SIK3: variants seen among roughly 807,000 people sequenced by gnomAD.
The protein encoded by SIK3 is serine/threonine-protein kinase SIK3.
Under a neutral mutation model 144.2 loss-of-function variants are expected in SIK3, and 28 were observed. That is an observed-to-expected ratio of 0.19 (90% CI 0.14 to 0.27). SIK3 has a LOEUF of 0.27. Ranked by LOEUF, SIK3 falls within the 10% of genes least tolerant of loss-of-function variation. SIK3 has a pLI of 1.00. For missense variants in SIK3, 1,319 were observed against 1,776.0 expected, an observed-to-expected ratio of 0.74 and a Z score of 4.62; for synonymous variants, 686 against 676.3, an observed-to-expected ratio of 1.01 and a Z score of -0.22.
chr11:116,858,058 G>A lies in SIK3; in HGVS notation c.3407C>T (p.Ala1136Val). ...CTCCATGCTCTCTGAATGCATCAGTGCCGGCTGGTGAGCATACCCGTGGGG... is the reference window on the plus strand; with the variant it reads ...CTCCATGCTCTCTGAATGCATCAGTACCGGCTGGTGAGCATACCCGTGGGG... ...TPPHGYAHQP[A>V]LMHSESMEED... The change falls in exon 21 of 25, where the codon GCA (alanine) becomes GTA (valine). Residue 1136 changes from alanine to valine, a missense_variant. This residue lies in a region of SIK3 where 646 missense variants were observed against 763.7 expected (regional missense o/e 0.85). Coordinates refer to ENST00000445177, the MANE Select transcript of SIK3 (RefSeq NM_001366686.3). The surrounding 1 kb of genome is among the most constrained non-coding windows in gnomAD (Gnocchi z 5.4). The A allele has an allele frequency of 6.2e-7, 1 of 1,613,784 alleles. No individual in the cohort carries two copies. The highest frequency in any genetic ancestry group is 8.5e-7 in the Non-Finnish European group (1 of 1,179,800).
Position 116,933,179 on chromosome 11 carries a change from C to T in SIK3, c.455-5799G>A, listed in dbSNP as rs1314076844. On this transcript the variant is annotated intron_variant, in intron 3 of 24. Transcript: ENST00000445177. ...CTTTTTTGAGGCAGAGTCTCACTGT[C>T]ACCCAGGATGGAGTGCAGTGGTGCA... 3.4e-5 allele frequency among the ~76,000 whole-genome samples: 5 copies of T among 147,642 alleles called. No individual in the cohort carries two copies. The East Asian group carries it at 7.9e-4, about 23-fold the overall frequency.
Position 116,846,378 on chromosome 11 carries a change from C to T in SIK3, c.*13+5G>A. ...TGGTTTGGCTCTGGCCAGGGTGACA[C>T]TCACTCTCTGTTTCTTGTTACACGC... is the stretch of plus-strand genomic sequence containing the variant. On this transcript the variant is annotated splice_donor_5th_base_variant and intron_variant, in intron 24 of 24. Transcript: ENST00000445177. The surrounding 1 kb of genome is among the most constrained non-coding windows in gnomAD (Gnocchi z 4.1). 1 of 1,613,144 alleles carries T rather than the reference C, an allele frequency of 6.2e-7. No homozygotes were observed. The highest frequency in any genetic ancestry group is 8.5e-7 in the Non-Finnish European group (1 of 1,179,630).
Position 116,846,582 on chromosome 11 carries a change from T to C in SIK3, c.3953-29A>G, listed in dbSNP as rs1941979521. The C allele has an allele frequency of 6.2e-7, 1 of 1,613,326 alleles. No homozygotes were observed. The highest frequency in any genetic ancestry group is 1.3e-5 in the African/African-American group (1 of 74,854). ...CAAGACCAAAAAGAACGTATGAGGT[T>C]GGCAGGGAACTGGGGGACTAGGAGA... On this transcript the variant is annotated intron_variant, in intron 23 of 24. Transcript: ENST00000445177. The surrounding 1 kb of genome is among the most constrained non-coding windows in gnomAD (Gnocchi z 4.1).
At chr11:116,931,500 G>T (rs1218663480) in intron 3 of SIK3, among the ~76,000 whole-genome samples, 1 of 152,152 alleles carries the variant, frequency 6.6e-6, no homozygotes. Flanking sequence ...TGTCTGCTAA[G>T]TCTACAACTC....
At position 116,973,270 on chromosome 11, in the gene SIK3, A is replaced by G. The variant is rs116597674; in HGVS notation, c.274-16206T>C. 7.0e-3 allele frequency among the ~76,000 whole-genome samples: 1,066 copies of G among 152,298 alleles called. 12 individuals are homozygous for G. Among genetic ancestry groups the G allele is most frequent in the African/African-American group, 0.024 (991 of 41,578 alleles). On this transcript the variant is annotated intron_variant, in intron 1 of 24. Transcript: ENST00000445177. ...CATAGTAATAGAAAACTAACAGCTC[A>G]TGGTTCTTTATAAGGTAGACAACTA...
chr11:117,062,394 A>C (rs2135960902), intron 1 of SIK3, among the ~76,000 whole-genome samples: 1 of 152,278 alleles, frequency 6.6e-6, no homozygotes, highest in South Asian at 2.1e-4. Context: ...TCCTCCCCAA[A>C]TGGGCCACAA....
intron 4 of SIK3, among the ~76,000 whole-genome samples, chr11:116,899,562 C>T (rs1182425658): frequency 3.9e-5 from 6 of 152,286 alleles, no homozygotes; most frequent in African/African-American, 1.4e-4. Context: ...AACTTATTTA[C>T]AAACTGAAGC....
chr11:117,070,683 T>C (rs1358437433), intron 1 of SIK3, among the ~76,000 whole-genome samples: 2 of 151,636 alleles, frequency 1.3e-5, no homozygotes, highest in African/African-American at 4.8e-5. Flanking sequence ...TGACCTCAGG[T>C]GATCCACCCG....
intron 1 of SIK3, among the ~76,000 whole-genome samples, chr11:116,990,490 C>T (rs1368807351): frequency 6.6e-6 from 1 of 152,120 alleles, no homozygotes; most frequent in Admixed American, 6.5e-5. Context: ...AATACGTGGT[C>T]TAATACCTTA....
chr11:117,003,732 C>T (rs1307238108), intron 1 of SIK3, among the ~76,000 whole-genome samples: 2 of 152,084 alleles, frequency 1.3e-5, no homozygotes, highest in Non-Finnish European at 2.9e-5. Context: ...GCTGGTGTAG[C>T]TATTCTACTT....
Position 116,977,884 on chromosome 11 carries a change from T to C in SIK3, c.274-20820A>G, listed in dbSNP as rs145343447. The stretch of plus-strand genomic sequence containing the variant: ...AAAAAAATGAAAAATATATTTACTG[T>C]AAAACTTTATGTGCAAGAGCATGTA... On this transcript the variant is annotated intron_variant, in intron 1 of 24. Coordinates refer to ENST00000445177, the MANE Select transcript of SIK3 (RefSeq NM_001366686.3). Among the ~76,000 whole-genome samples the C allele has an allele frequency of 6.6e-5, 10 of 152,300 alleles. No homozygotes were observed. In the East Asian group the frequency reaches 1.3e-3, roughly 21 times the overall value.
At chr11:116,909,110 AC>A (rs1271937191) in intron 4 of SIK3, among the ~76,000 whole-genome samples, 1 of 152,222 alleles carries the variant, frequency 6.6e-6, no homozygotes, top group East Asian at 1.9e-4. Flanking sequence ...TCGCAGCTAT[AC>A]AAACAACATG....
rs748487877 is a variant in SIK3 at position 116,849,103 on chromosome 11, A to T, written c.3819+17T>A. ...CTGGGAGGATCCACCTCTGTGCAGC[A>T]GGTGGGACCAACATACATAAGCATC... is the stretch of plus-strand genomic sequence containing the variant. On this transcript the variant is annotated intron_variant, in intron 22 of 24. Transcript: ENST00000445177. This position sits in a 1 kb window ranked among gnomAD's most constrained non-coding sequence, Gnocchi z 4.2. 1.9e-6 allele frequency: 3 copies of T among 1,568,504 alleles called. No homozygotes were observed. Among genetic ancestry groups the T allele is most frequent in the Admixed American group, 3.5e-5 (2 of 57,490 alleles).
At chr11:116,960,112 A>C (rs1949286221) in intron 1 of SIK3, among the ~76,000 whole-genome samples, 1 of 152,226 alleles carries the variant, frequency 6.6e-6, no homozygotes, top group Non-Finnish European at 1.5e-5. Flanking sequence ...TCTTTTCAGG[A>C]AAAATTGCAT....
chr11:116,956,795 G>A (rs538647391), intron 2 of SIK3, among the ~76,000 whole-genome samples, 153 bp downstream of exon 2: 1 of 152,296 alleles, frequency 6.6e-6, no homozygotes, highest in African/African-American at 2.4e-5. Flanking sequence ...ACTAAGTGCT[G>A]AGCGCGTAAA....
chr11:116,857,386 G>T, intron 21 of SIK3: 1 of 186,766 alleles, frequency 5.4e-6, no homozygotes, highest in Non-Finnish European at 1.1e-5. Flanking sequence ...GGGATTAAAT[G>T]ACAAAGTTAT....
rs766367380 is a variant in SIK3 at position 116,858,618 on chromosome 11, A to T, written c.2847T>A (p.Gly949=). ...TTGAAGGGCTGTAGCTGCTGGGGGAACCCCGGGACTGGTCCGAAAACAGAT... is the reference window on the plus strand; with the variant it reads ...TTGAAGGGCTGTAGCTGCTGGGGGATCCCCGGGACTGGTCCGAAAACAGAT... The part of the protein sequence containing the change: ...HPHLFSDQSR[G]SPSSYSPSTG... Residue 949 remains glycine, a synonymous_variant, in exon 21 of 25, where the codon GGT becomes GGA. Coordinates refer to ENST00000445177, the MANE Select transcript of SIK3 (RefSeq NM_001366686.3). The surrounding 1 kb of genome is among the most constrained non-coding windows in gnomAD (Gnocchi z 5.4). The T allele has an allele frequency of 1.9e-6, 3 of 1,607,068 alleles. No individual in the cohort carries two copies. Among genetic ancestry groups the T allele is most frequent in the Non-Finnish European group, 2.5e-6 (3 of 1,176,738 alleles).
At chr11:117,027,497 C>T (rs920606212) in intron 1 of SIK3, among the ~76,000 whole-genome samples, 1 of 151,470 alleles carries the variant, frequency 6.6e-6, no homozygotes, top group Non-Finnish European at 1.5e-5. Context: ...TCACTCTTGT[C>T]GCCCAGGCTG....
At chr11:116,910,478 CA>C (rs1356032111) in intron 4 of SIK3, among the ~76,000 whole-genome samples, 1 of 151,804 alleles carries the variant, frequency 6.6e-6, no homozygotes, top group Non-Finnish European at 1.5e-5. Context: ...CAAAGGTAAG[CA>C]GCCAGTAAAC....
Sources: gnomAD v4.1 joint callset for allele counts (sites outside exome capture counted in the v4.1 genomes callset) on GRCh38, gnomAD v4.1.1 for gene constraint, gnomAD v4.1.1 regional missense constraint, Gnocchi (gnomAD v3.1) non-coding constraint, MANE v1.5 for transcripts, NCBI Gene and HGNC (gene_info 2026-07-23, HGNC 2026-07-21) for gene names.